Variants in CHST11 observed in about 807,000 individuals in gnomAD.
The protein encoded by CHST11 is C4S-1.
CHST11 carries 9 observed loss-of-function variants against 30.4 expected under a neutral mutation model. The observed-to-expected ratio is 0.30, with a 90% CI of 0.18 to 0.52. The LOEUF is 0.52. Ranked by LOEUF, CHST11 falls within the 20% of genes least tolerant of loss-of-function variation. CHST11 has a pLI of 0.97. For missense variants in CHST11, 348 were observed against 460.6 expected (o/e 0.76, Z 2.24); for synonymous variants, 152 against 187.8 (o/e 0.81, Z 1.56).
intron 1 of CHST11, 74 bp downstream of exon 1, chr12:104,457,603 C>T: frequency 9.2e-7 from 1 of 1,086,418 alleles, no homozygotes; most frequent in South Asian, 1.2e-5. Flanking sequence ...CGCCTGATTT[C>T]TGCCTCTTCC....
At chr12:104,686,374 T>C (rs980648786) in intron 2 of CHST11, among the ~76,000 whole-genome samples, 43 of 152,324 alleles carry the variant, frequency 2.8e-4, no homozygotes, top group African/African-American at 1.0e-3. Context: ...AGCTGTGCTC[T>C]GAGAGAGAGT....
At chr12:104,592,591 TG>T (rs771721599) in intron 1 of CHST11, among the ~76,000 whole-genome samples, 103 of 152,208 alleles carry the variant, frequency 6.8e-4, no homozygotes, top group Non-Finnish European at 1.4e-3. Flanking sequence ...TGAATTTTAG[TG>T]GGGACACAAA....
intron 2 of CHST11, among the ~76,000 whole-genome samples, chr12:104,748,368 A>G (rs140318860): frequency 1.3e-5 from 2 of 152,254 alleles, no homozygotes; most frequent in Admixed American, 6.5e-5. Context: ...GTCCCTCCCA[A>G]ATTCATACGT....
chr12:104,604,203 A>G (rs187221284), intron 2 of CHST11, among the ~76,000 whole-genome samples: 3 of 152,164 alleles, frequency 2.0e-5, no homozygotes, highest in Admixed American at 6.5e-5. Flanking sequence ...TGTTCTGAGC[A>G]TTGTCTGGAT....
intron 1 of CHST11, among the ~76,000 whole-genome samples, chr12:104,484,935 C>G (rs1004965127): frequency 6.6e-6 from 1 of 152,042 alleles, no homozygotes; most frequent in Non-Finnish European, 1.5e-5. Context: ...GAATCATGGC[C>G]CGAATGTCAG....
intron 1 of CHST11, among the ~76,000 whole-genome samples, chr12:104,491,155 C>T (rs561243717): frequency 4.3e-4 from 65 of 152,234 alleles, no homozygotes; most frequent in African/African-American, 1.5e-3. Context: ...TACAAGTATC[C>T]TCTCACTGTG....
chr12:104,744,844 CATTTATTTATTTATTT>C (rs142255091), intron 2 of CHST11, among the ~76,000 whole-genome samples: 55,066 of 148,052 alleles, frequency 0.37, 10,989 homozygotes, highest in African/African-American at 0.52. Flanking sequence ...ATCCCAGCAT[CATTTATTTATTTATTT>C]ATTTATTTAT....
At chr12:104,693,512 A>G (rs2039917671) in intron 2 of CHST11, among the ~76,000 whole-genome samples, 1 of 152,232 alleles carries the variant, frequency 6.6e-6, no homozygotes, top group African/African-American at 2.4e-5. Flanking sequence ...GGTCACTTAA[A>G]TTACACAACT....
chr12:104,538,445 G>A (rs2038258443), intron 1 of CHST11, among the ~76,000 whole-genome samples: 1 of 152,120 alleles, frequency 6.6e-6, no homozygotes, highest in African/African-American at 2.4e-5. Context: ...TGTTCGTTGA[G>A]TTTTTCCGAG....
chr12:104,589,869 C>T (rs1402033329), intron 1 of CHST11, among the ~76,000 whole-genome samples: 1 of 151,842 alleles, frequency 6.6e-6, no homozygotes, highest in East Asian at 1.9e-4. Context: ...ATTAGCTGGG[C>T]GTGGTGGCAC....
chr12:104,488,789 C>A (rs1204199259), intron 1 of CHST11, among the ~76,000 whole-genome samples: 1 of 150,656 alleles, frequency 6.6e-6, no homozygotes, highest in Non-Finnish European at 1.5e-5. Flanking sequence ...ACATACCAAG[C>A]CTGTTTGGTT....
chr12:104,570,968 G>A (rs1348102632), intron 1 of CHST11, among the ~76,000 whole-genome samples: 3 of 152,178 alleles, frequency 2.0e-5, no homozygotes, highest in Non-Finnish European at 4.4e-5. Flanking sequence ...TGGAATTACA[G>A]GCGTGAGCCA....
chr12:104,557,680 G>A (rs939902560), intron 1 of CHST11, among the ~76,000 whole-genome samples: 3 of 152,112 alleles, frequency 2.0e-5, no homozygotes, highest in Admixed American at 1.3e-4. Context: ...AGTCTGTAGC[G>A]AAGGAGGGTG....
chr12:104,565,114 A>G (rs1235678773), intron 1 of CHST11, among the ~76,000 whole-genome samples: 1 of 152,024 alleles, frequency 6.6e-6, no homozygotes, highest in Non-Finnish European at 1.5e-5. Context: ...TGCCATTCAC[A>G]TCTAGGGTGA....
At chr12:104,633,706 C>T (rs111349008) in intron 2 of CHST11, among the ~76,000 whole-genome samples, 1 of 151,938 alleles carries the variant, frequency 6.6e-6, no homozygotes, top group African/African-American at 2.4e-5. Context: ...TGAGCCACAC[C>T]GTGCCCAGCC....
At chr12:104,522,776 C>T (rs2038086282) in intron 1 of CHST11, among the ~76,000 whole-genome samples, 1 of 152,140 alleles carries the variant, frequency 6.6e-6, no homozygotes, top group Admixed American at 6.5e-5. Flanking sequence ...ATCACTGCGC[C>T]TGGTCCTATC....
Position 104,699,569 on chromosome 12 carries a change from C to G in CHST11, c.205-57380C>G, listed in dbSNP as rs535372371. Among the ~76,000 whole-genome samples, 13 of 152,306 alleles carry G rather than the reference C, an allele frequency of 8.5e-5. No homozygotes were observed. The South Asian group carries it at 2.7e-3, about 32-fold the overall frequency. On this transcript the variant is annotated intron_variant, in intron 2 of 2. Coordinates refer to ENST00000303694, the MANE Select transcript of CHST11 (RefSeq NM_018413.6). ...TTGTAGGGTCACTGAGGACATGGTG[C>G]TTCCCTCCTGGTGGCTTTCGGATAG...
chr12:104,752,629 G>A (rs2040442962), intron 2 of CHST11, among the ~76,000 whole-genome samples: 1 of 152,150 alleles, frequency 6.6e-6, no homozygotes, highest in African/African-American at 2.4e-5. Context: ...CTGAGTTCTA[G>A]CAATTCTCCT....
intron 2 of CHST11, 23 bp downstream of exon 2, chr12:104,602,014 G>A: frequency 6.5e-7 from 1 of 1,530,488 alleles, no homozygotes; most frequent in Non-Finnish European, 8.8e-7. Context: ...CACTCTGTCA[G>A]CATGTGAATT....
Sources: gnomAD v4.1 joint callset for allele counts (sites outside exome capture counted in the v4.1 genomes callset) on GRCh38, gnomAD v4.1.1 for gene constraint, MANE v1.5 for transcripts, NCBI Gene and HGNC (gene_info 2026-07-23, HGNC 2026-07-21) for gene names.